The following UBE2E1 variants were observed in gnomAD, a reference collection of about 807,000 sequenced individuals.
UBE2E1 encodes ubiquitin conjugating enzyme E2 E1.
Under a neutral mutation model 21.4 loss-of-function variants are expected in UBE2E1, and 6 were observed. That is an observed-to-expected ratio of 0.28 (90% CI 0.15 to 0.55). UBE2E1 has a LOEUF of 0.55. Among genes scored for constraint, UBE2E1 ranks in the 20% least tolerant of loss-of-function variants. The probability of loss-of-function intolerance (pLI) is 0.93; values close to 1 mark genes in which losing one functional copy is unlikely to be tolerated. For synonymous variants in UBE2E1, 87 were observed against 82.7 expected (o/e 1.05, Z -0.28); for missense variants, 142 against 236.5 (o/e 0.60, Z 2.62).
At position 23,806,508 on chromosome 3, in the gene UBE2E1, AC is replaced by A. The variant is rs1208429618; in HGVS notation, c.-34+427del. ...TGTTATGTCTTCGCTGCGGAGGCCG[AC>A]CCCCCCATTCCCCGCCGCAGCCCCT... On this transcript the variant is annotated intron_variant, in intron 1 of 5. Transcript: ENST00000306627. This position sits in a 1 kb window ranked among gnomAD's most constrained non-coding sequence, Gnocchi z 6.5. Among the ~76,000 whole-genome samples, 26 of 147,436 alleles carry A rather than the reference AC, an allele frequency of 1.8e-4. No homozygotes were observed. Among genetic ancestry groups the A allele is most frequent in the Admixed American group, 1.2e-3 (18 of 14,946 alleles).
intron 3 of UBE2E1, among the ~76,000 whole-genome samples, chr3:23,885,198 G>A (rs1354622155): frequency 6.6e-6 from 1 of 152,128 alleles, no homozygotes; most frequent in African/African-American, 2.4e-5. Flanking sequence ...AGCTTTTGAG[G>A]TTCTCTTTAA....
In UBE2E1 at chr3:23,890,737, T is replaced by G; in HGVS notation, c.*131T>G. 1.3e-6 allele frequency: 1 copy of G among 766,422 alleles called. No homozygotes were observed. The highest frequency in any genetic ancestry group is 1.9e-6 in the Non-Finnish European group (1 of 523,948). 47.5% of individuals were successfully genotyped at this position (766,422 alleles called of 1,614,324 possible). On this transcript the variant is annotated 3_prime_UTR_variant, in exon 6 of 6. Transcript: ENST00000306627. ...CTATAACAGATATTATTCAGTCTTATTTCCTAAGATTTTGTTGTAACTTAA... is the reference window on the plus strand; with the variant it reads ...CTATAACAGATATTATTCAGTCTTAGTTCCTAAGATTTTGTTGTAACTTAA...
At chr3:23,819,939 A>G (rs778545242) in intron 3 of UBE2E1, among the ~76,000 whole-genome samples, 2 of 152,142 alleles carry the variant, frequency 1.3e-5, no homozygotes, top group African/African-American at 2.4e-5. Flanking sequence ...TTTATCATCT[A>G]TGTAATGTGG....
At position 23,887,633 on chromosome 3, in the gene UBE2E1, G is replaced by T; in HGVS notation, c.270G>T (p.Val90=). The change falls in exon 4 of 6, where the codon GTG becomes GTT. Residue 90 remains valine, a synonymous_variant. Coordinates refer to ENST00000306627, the MANE Select transcript of UBE2E1 (RefSeq NM_003341.5). The surrounding 1 kb of genome is among the most constrained non-coding windows in gnomAD (Gnocchi z 4.4). ...CCATTCTAGGGCCTCCAGGATCCGT[G>T]TATGAGGGTGGTGTATTCTTTCTCG... ...RSTILGPPGS[V]YEGGVFFLDI... is the part of the protein sequence containing the mutation. The T allele has an allele frequency of 6.2e-7, 1 of 1,614,114 alleles. No individual in the cohort carries two copies. The highest frequency in any genetic ancestry group is 8.5e-7 in the Non-Finnish European group (1 of 1,180,010).
At position 23,890,742 on chromosome 3, in the gene UBE2E1, T is replaced by A; in HGVS notation, c.*136T>A. 4.0e-6 allele frequency: 3 copies of A among 751,794 alleles called. No individual in the cohort carries two copies. The highest frequency in any genetic ancestry group is 5.9e-6 in the Non-Finnish European group (3 of 511,202). The allele number at this position is 751,794 out of a possible 1,614,324, so 46.6% of individuals were successfully genotyped here. The stretch of plus-strand genomic sequence containing the variant: ...ACAGATATTATTCAGTCTTATTTCC[T>A]AAGATTTTGTTGTAACTTAAGGTAT... On this transcript the variant is annotated 3_prime_UTR_variant, in exon 6 of 6. Coordinates refer to ENST00000306627, the MANE Select transcript of UBE2E1 (RefSeq NM_003341.5).
At chr3:23,857,204 T>A (rs1700461418) in intron 3 of UBE2E1, among the ~76,000 whole-genome samples, 1 of 151,656 alleles carries the variant, frequency 6.6e-6, no homozygotes, top group Non-Finnish European at 1.5e-5. Flanking sequence ...CCCAGCAGCC[T>A]GGAGGGGTAG....
At position 23,891,436 on chromosome 3, in the gene UBE2E1, T is replaced by TA. The variant is rs2125338798; in HGVS notation, c.*831dup. 2 of 152,362 alleles carry TA rather than the reference T, an allele frequency of 1.3e-5. No homozygotes were observed. The highest frequency in any genetic ancestry group is 4.1e-4 in the South Asian group (2 of 4,830). 9.4% of individuals were successfully genotyped at this position (152,362 alleles called of 1,614,324 possible). A position where few individuals can be genotyped will look rare whatever the true frequency, so the allele number is the denominator to read the frequency against. ...TAATGCATATTTAGTAGGTATTAGT[T>TA]AGTTACCTATATTAGGATCTGTACT... On this transcript the variant is annotated 3_prime_UTR_variant, in exon 6 of 6. Transcript: ENST00000306627.
At chr3:23,839,248 G>A (rs1344481094) in intron 3 of UBE2E1, among the ~76,000 whole-genome samples, 2 of 152,026 alleles carry the variant, frequency 1.3e-5, no homozygotes, top group Admixed American at 6.6e-5. Flanking sequence ...TGGATCACGA[G>A]GTCAGGAGAT....
chr3:23,814,744 T>C (rs1699475972), intron 3 of UBE2E1, among the ~76,000 whole-genome samples: 2 of 152,194 alleles, frequency 1.3e-5, no homozygotes, highest in South Asian at 4.1e-4. Context: ...CTTTGCTAAA[T>C]TGACTAGTTA....
chr3:23,883,591 C>T (rs1192174757), intron 3 of UBE2E1, among the ~76,000 whole-genome samples: 1 of 152,132 alleles, frequency 6.6e-6, no homozygotes, highest in Non-Finnish European at 1.5e-5. Flanking sequence ...TACCTGAATT[C>T]ATCCAATAGC....
At chr3:23,820,003 T>G (rs1699613793) in intron 3 of UBE2E1, among the ~76,000 whole-genome samples, 1 of 152,228 alleles carries the variant, frequency 6.6e-6, no homozygotes, top group South Asian at 2.1e-4. Context: ...TAAAGTTACC[T>G]TATGTTAACA....
rs940742817 is a variant in UBE2E1, at chr3:23,810,697, C to T, written c.153-763C>T. On this transcript the variant is annotated intron_variant, in intron 2 of 5. Coordinates refer to ENST00000306627, the MANE Select transcript of UBE2E1 (RefSeq NM_003341.5). This position sits in a 1 kb window ranked among gnomAD's most constrained non-coding sequence, Gnocchi z 5.8. ...GGTCTCGGGCCAAGGTTCTGGGCGC[C>T]GGGAGAGGAGAGCTGGGGCGGCGCG... The T allele has an allele frequency of 3.4e-6, 2 of 582,806 alleles. No homozygotes were observed. The highest frequency in any genetic ancestry group is 3.9e-5 in the Admixed American group (1 of 25,682). The allele number at this position is 582,806 out of a possible 1,614,324, so 36.1% of individuals were successfully genotyped here. A position where few individuals can be genotyped will look rare whatever the true frequency, so the allele number is the denominator to read the frequency against.
Position 23,810,294 on chromosome 3 carries a change from G to C in UBE2E1, c.153-1166G>C. On this transcript the variant is annotated intron_variant, in intron 2 of 5. Transcript: ENST00000306627. This position sits in a 1 kb window ranked among gnomAD's most constrained non-coding sequence, Gnocchi z 5.8. ...AGAAGCTTAGAGGCCCTAAACTGTC[G>C]TATTAATTGATGCTCTAAGTGCCTA... 1.4e-6 allele frequency: 1 copy of C among 720,478 alleles called. No homozygotes were observed. Among genetic ancestry groups the C allele is most frequent in the Non-Finnish European group, 2.3e-6 (1 of 431,698 alleles). 44.6% of individuals were successfully genotyped at this position (720,478 alleles called of 1,614,324 possible). A position where few individuals can be genotyped will look rare whatever the true frequency, so the allele number is the denominator to read the frequency against.
chr3:23,859,636 T>C lies in UBE2E1; in HGVS notation c.204-27931T>C, dbSNP rs72627034. Among the ~76,000 whole-genome samples the C allele has an allele frequency of 5.9e-3, 902 of 152,340 alleles. 16 individuals carry two copies. The highest frequency in any genetic ancestry group is 0.049 in the East Asian group (252 of 5,186). ...TTTGCCAGTTAGCAGCTGAATGGCC[T>C]TAAGGTTAATTACTTAAAGTCTCTG... On this transcript the variant is annotated intron_variant, in intron 3 of 5. Transcript: ENST00000306627.
chr3:23,844,742 G>A (rs539888963), intron 3 of UBE2E1, among the ~76,000 whole-genome samples: 78 of 152,102 alleles, frequency 5.1e-4, no homozygotes, highest in Non-Finnish European at 9.0e-4. Context: ...ACTTACATAT[G>A]GAGAATATGT....
intron 3 of UBE2E1, among the ~76,000 whole-genome samples, chr3:23,868,249 C>T (rs1326565201): frequency 6.6e-6 from 1 of 152,154 alleles, no homozygotes; most frequent in African/African-American, 2.4e-5. Context: ...AAAGCATTGG[C>T]TTTCTACTCA....
chr3:23,811,629 CAT>C, intron 3 of UBE2E1, 119 bp downstream of exon 3: 1 of 882,248 alleles, frequency 1.1e-6, no homozygotes, highest in African/African-American at 1.7e-5. Flanking sequence ...ATGGCACTAA[CAT>C]CACGTAACAG....
At chr3:23,866,901 A>T (rs1391760898) in intron 3 of UBE2E1, among the ~76,000 whole-genome samples, 1 of 152,232 alleles carries the variant, frequency 6.6e-6, no homozygotes, top group Non-Finnish European at 1.5e-5. Context: ...TTGTGATTAA[A>T]CAACTTTTGT....
intron 3 of UBE2E1, among the ~76,000 whole-genome samples, chr3:23,872,264 TC>T (rs1417242989): frequency 1.3e-5 from 2 of 151,260 alleles, no homozygotes; most frequent in African/African-American, 4.9e-5. Flanking sequence ...TCACAGGCAC[TC>T]GGCAGGCTGA....
Sources: gnomAD v4.1 joint callset for allele counts (sites outside exome capture counted in the v4.1 genomes callset) on GRCh38, gnomAD v4.1.1 for gene constraint, Gnocchi (gnomAD v3.1) non-coding constraint, MANE v1.5 for transcripts, NCBI Gene and HGNC (gene_info 2026-07-23, HGNC 2026-07-21) for gene names.